The following TRPM3 variants were observed in gnomAD, a reference collection of about 807,000 sequenced individuals.
The protein encoded by TRPM3 is transient receptor potential cation channel subfamily M member 3.
In TRPM3, 77 loss-of-function variants were observed where a neutral mutation model predicts 181.2. The observed-to-expected ratio is 0.42, with a 90% CI of 0.35 to 0.51. The LOEUF is 0.51. Ranked by LOEUF, TRPM3 falls within the 20% of genes least tolerant of loss-of-function variation. TRPM3 has a pLI of 0.01. For synonymous variants in TRPM3, 745 were observed against 796.4 expected, an observed-to-expected ratio of 0.94 and a Z score of 1.09; for missense variants, 1,759 against 2,196.7, an observed-to-expected ratio of 0.80 and a Z score of 3.98.
chr9:70,699,918 T>C (rs1467274962), intron 8 of TRPM3, among the ~76,000 whole-genome samples: 1 of 152,160 alleles, frequency 6.6e-6, no homozygotes, highest in Non-Finnish European at 1.5e-5. Context: ...CAGGGAGGCA[T>C]CAAAGATGAC....
At chr9:70,984,888 T>C (rs1315248374) in intron 1 of TRPM3, among the ~76,000 whole-genome samples, 4 of 152,250 alleles carry the variant, frequency 2.6e-5, no homozygotes, top group Non-Finnish European at 2.9e-5. Flanking sequence ...AAAACTAATA[T>C]GTCATCCGTA....
Position 70,610,599 on chromosome 9 carries a change from A to G in TRPM3, c.2667+10T>C, listed in dbSNP as rs2061862972. The stretch of plus-strand genomic sequence containing the variant: ...CATCCACTAGGAAGGAGAAAAGGAA[A>G]TGTGCTTACTGTGTAGAACCAGAAC... On this transcript the variant is annotated intron_variant, in intron 19 of 25. Coordinates refer to ENST00000677713, the MANE Select transcript of TRPM3 (RefSeq NM_001366145.2). The G allele has an allele frequency of 1.2e-6, 2 of 1,611,756 alleles. No homozygotes were observed. The highest frequency in any genetic ancestry group is 1.1e-5 in the South Asian group (1 of 90,782).
chr9:70,838,644 A>G (rs2094461044), intron 5 of TRPM3, among the ~76,000 whole-genome samples: 1 of 152,092 alleles, frequency 6.6e-6, no homozygotes, highest in Non-Finnish European at 1.5e-5. Context: ...GCCTTGAGCT[A>G]AATTTGATGA....
intron 5 of TRPM3, among the ~76,000 whole-genome samples, chr9:70,830,046 A>C (rs1041952333): frequency 6.6e-6 from 1 of 152,224 alleles, no homozygotes; most frequent in Non-Finnish European, 1.5e-5. Flanking sequence ...TTCTAGTAGC[A>C]GTTCCTGCAA....
At chr9:71,427,528 G>T (rs2093885857) in intron 1 of TRPM3, among the ~76,000 whole-genome samples, 1 of 152,094 alleles carries the variant, frequency 6.6e-6, no homozygotes. Context: ...ATCAACAGTG[G>T]ACTGCATAAA....
intron 6 of TRPM3, among the ~76,000 whole-genome samples, chr9:70,794,225 A>G (rs139300811): frequency 4.6e-4 from 70 of 152,202 alleles, no homozygotes; most frequent in African/African-American, 1.6e-3. Flanking sequence ...ACTGTTTACT[A>G]TATGGGAAGC....
intron 1 of TRPM3, among the ~76,000 whole-genome samples, chr9:70,911,234 A>G (rs2096534428): frequency 6.6e-6 from 1 of 152,184 alleles, no homozygotes; most frequent in Non-Finnish European, 1.5e-5. Context: ...CACACTTTGG[A>G]AAGGATTTTA....
At chr9:70,922,140 G>A (rs946270290) in intron 1 of TRPM3, among the ~76,000 whole-genome samples, 1 of 152,086 alleles carries the variant, frequency 6.6e-6, no homozygotes, top group Admixed American at 6.6e-5. Flanking sequence ...TAACTCATAG[G>A]AGACACATAT....
intron 22 of TRPM3, among the ~76,000 whole-genome samples, chr9:70,570,119 T>C (rs1190515765): frequency 6.6e-6 from 1 of 152,138 alleles, no homozygotes; most frequent in African/African-American, 2.4e-5. Context: ...TTTGGGACTC[T>C]GTATTTGTGT....
chr9:70,596,180 A>G (rs1210721295), intron 21 of TRPM3, among the ~76,000 whole-genome samples: 1 of 152,210 alleles, frequency 6.6e-6, no homozygotes, highest in African/African-American at 2.4e-5. Context: ...TAAGATATGC[A>G]TTTATTATAC....
Position 71,351,157 on chromosome 9 carries a change from T to C in TRPM3, c.183+95496A>G, listed in dbSNP as rs749191012. On this transcript the variant is annotated intron_variant, in intron 1 of 24. Transcript: ENST00000357533. ...ATGAAAACATTTTTCTTGTAGATTG[T>C]TGTCAATTTGTTTGGCCCTGTTACT... 1.6e-4 allele frequency among the ~76,000 whole-genome samples: 25 copies of C among 152,186 alleles called. 1 individual carries two copies. Among genetic ancestry groups the C allele is most frequent in the Non-Finnish European group, 3.2e-4 (22 of 68,028 alleles).
intron 1 of TRPM3, among the ~76,000 whole-genome samples, chr9:71,417,091 G>C (rs560825979): frequency 1.6e-4 from 24 of 152,054 alleles, no homozygotes; most frequent in Non-Finnish European, 2.9e-4. Flanking sequence ...GTTGTCTCCA[G>C]TTTGGGGTTC....
intron 1 of TRPM3, among the ~76,000 whole-genome samples, chr9:71,210,744 G>A (rs2079442045): frequency 6.6e-6 from 1 of 152,170 alleles, no homozygotes; most frequent in Non-Finnish European, 1.5e-5. Context: ...CCATGGATTG[G>A]ATGGCTCACA....
At chr9:70,892,115 C>A (rs1012785860) in intron 1 of TRPM3, among the ~76,000 whole-genome samples, 50 of 152,174 alleles carry the variant, frequency 3.3e-4, no homozygotes, top group African/African-American at 1.2e-3. Flanking sequence ...ACTGAGAGGA[C>A]TTTTAATTCT....
At chr9:71,181,631 T>G (rs2077410201) in intron 1 of TRPM3, among the ~76,000 whole-genome samples, 1 of 152,094 alleles carries the variant, frequency 6.6e-6, no homozygotes, top group Non-Finnish European at 1.5e-5. Flanking sequence ...AATAATATAA[T>G]TATTACATTC....
At chr9:70,838,061 C>T (rs2094431742) in intron 5 of TRPM3, among the ~76,000 whole-genome samples, 1 of 152,058 alleles carries the variant, frequency 6.6e-6, no homozygotes, top group Non-Finnish European at 1.5e-5. Flanking sequence ...TGGTTATGCT[C>T]ATAGAAGTTG....
intron 1 of TRPM3, among the ~76,000 whole-genome samples, chr9:71,333,239 C>CA (rs1203434959): frequency 6.6e-6 from 1 of 151,884 alleles, no homozygotes; most frequent in African/African-American, 2.4e-5. Flanking sequence ...TGACCCACTT[C>CA]TAGGGAACTG....
intron 3 of TRPM3, among the ~76,000 whole-genome samples, chr9:70,859,547 T>C (rs1367949938): frequency 6.6e-6 from 1 of 152,224 alleles, no homozygotes; most frequent in Non-Finnish European, 1.5e-5. Context: ...ATGTAGTAGA[T>C]GTTCCATACA....
chr9:71,035,168 A>G (rs1049555843), intron 1 of TRPM3, among the ~76,000 whole-genome samples: 2 of 152,160 alleles, frequency 1.3e-5, no homozygotes, highest in Non-Finnish European at 2.9e-5. Flanking sequence ...ATTAGTAAAA[A>G]CATGATTGAC....
Sources: allele counts gnomAD v4.1 joint callset (sites outside exome capture counted in the v4.1 genomes callset), GRCh38; gene constraint gnomAD v4.1.1; transcripts MANE v1.5; gene names NCBI Gene and HGNC (gene_info 2026-07-23, HGNC 2026-07-21).